The following SPTLC2 variants were observed in gnomAD, a reference collection of about 807,000 sequenced individuals.
SPTLC2 encodes the protein serine palmitoyltransferase long chain base subunit 2, also known as serine palmitoyltransferase 2.
Under a neutral mutation model 62.0 loss-of-function variants are expected in SPTLC2, and 21 were observed. That is an observed-to-expected ratio of 0.34 (90% CI 0.24 to 0.49). The LOEUF (loss-of-function observed/expected upper bound fraction) is 0.49, where lower values mean the gene tolerates loss of function less well. SPTLC2 is among the 20% of genes least tolerant of loss of function. The pLI is 0.99. For synonymous variants in SPTLC2, 261 were observed against 261.8 expected (o/e 1.00, Z 0.03); for missense variants, 511 against 713.0 (o/e 0.72, Z 3.23).
intron 9 of SPTLC2, among the ~76,000 whole-genome samples, chr14:77,524,464 A>T (rs1006036009): frequency 6.6e-6 from 1 of 152,076 alleles, no homozygotes; most frequent in Non-Finnish European, 1.5e-5. Context: ...AAGTTTTTTC[A>T]AACTAAAAAT....
At chr14:77,599,703 A>G (rs1337633602) in intron 1 of SPTLC2, among the ~76,000 whole-genome samples, 1 of 152,244 alleles carries the variant, frequency 6.6e-6, no homozygotes, top group Non-Finnish European at 1.5e-5. Flanking sequence ...TTTAATACTT[A>G]AACTTTTAAA....
intron 1 of SPTLC2, among the ~76,000 whole-genome samples, chr14:77,606,860 A>C (rs377502264): frequency 1.1e-4 from 16 of 152,152 alleles, no homozygotes; most frequent in East Asian, 5.8e-4. Context: ...GTGGTGGTGC[A>C]TGAATGTAGT....
intron 9 of SPTLC2, among the ~76,000 whole-genome samples, chr14:77,547,092 C>T (rs2299914): frequency 0.19 from 29,384 of 151,866 alleles, 2,909 homozygotes; most frequent in East Asian, 0.3. Context: ...CTTGAATTCC[C>T]GACCTCAGGT....
chr14:77,553,968 C>G (rs149923291), intron 8 of SPTLC2, among the ~76,000 whole-genome samples: 221 of 152,140 alleles, frequency 1.5e-3, no homozygotes, highest in Middle Eastern at 0.01. Flanking sequence ...GCATGTGCCA[C>G]CACCACACCC....
At chr14:77,583,246 A>T (rs904709510) in intron 2 of SPTLC2, among the ~76,000 whole-genome samples, 2 of 129,216 alleles carry the variant, frequency 1.5e-5, no homozygotes, top group Non-Finnish European at 3.4e-5. Context: ...AATAAAAATA[A>T]TAATTTTAAA....
intron 8 of SPTLC2, chr14:77,555,021 G>C (rs2079575094): frequency 2.3e-6 from 1 of 436,340 alleles, no homozygotes; most frequent in East Asian, 4.9e-5. Flanking sequence ...GGGGCGGGCA[G>C]GGAGCACCAC....
chr14:77,560,312 G>A (rs1391990971), intron 6 of SPTLC2, among the ~76,000 whole-genome samples: 1 of 152,178 alleles, frequency 6.6e-6, no homozygotes, highest in Non-Finnish European at 1.5e-5. Flanking sequence ...TGTGGGCCAG[G>A]CGTGGTGGCT....
intron 1 of SPTLC2, among the ~76,000 whole-genome samples, chr14:77,603,762 A>C (rs993530818): frequency 1.3e-5 from 2 of 152,194 alleles, no homozygotes; most frequent in Non-Finnish European, 2.9e-5. Context: ...GAACATTTCC[A>C]TTTCAGTTCA....
chr14:77,602,268 T>G (rs1379358183), intron 1 of SPTLC2, among the ~76,000 whole-genome samples: 1 of 152,164 alleles, frequency 6.6e-6, no homozygotes, highest in Non-Finnish European at 1.5e-5. Context: ...TAGCTCCACT[T>G]AGACTTCATG....
At chr14:77,542,764 T>C (rs1261527308) in intron 9 of SPTLC2, among the ~76,000 whole-genome samples, 5 of 152,168 alleles carry the variant, frequency 3.3e-5, no homozygotes, top group Non-Finnish European at 5.9e-5. Context: ...TAAATTCCTC[T>C]TAAAAGCACA....
chr14:77,512,063 T>A lies in SPTLC2; in HGVS notation c.*221A>T, dbSNP rs193123994. On this transcript the variant is annotated 3_prime_UTR_variant, in exon 12 of 12. Coordinates refer to ENST00000216484, the MANE Select transcript of SPTLC2 (RefSeq NM_004863.4). ...TAATGGACTGAAAAAGCAAAGTGAG[T>A]CACCTTCGTTTTTAAAGGTGAGATT... is the stretch of plus-strand genomic sequence containing the variant. 1.7e-6 allele frequency: 1 copy of A among 596,404 alleles called. No homozygotes were observed. The highest frequency in any genetic ancestry group is 3.0e-5 in the East Asian group (1 of 33,890). The allele number at this position is 596,404 out of a possible 1,614,324, so 36.9% of individuals were successfully genotyped here. A position where few individuals can be genotyped will look rare whatever the true frequency, so the allele number is the denominator to read the frequency against.
At chr14:77,604,589 C>T (rs775415385) in intron 1 of SPTLC2, among the ~76,000 whole-genome samples, 6 of 152,078 alleles carry the variant, frequency 3.9e-5, no homozygotes, top group Non-Finnish European at 7.4e-5. Flanking sequence ...ATTTCCCGGC[C>T]AGATGCGGTG....
At chr14:77,529,632 T>C (rs952871970) in intron 9 of SPTLC2, among the ~76,000 whole-genome samples, 2 of 138,088 alleles carry the variant, frequency 1.4e-5, no homozygotes, top group East Asian at 2.4e-4. Flanking sequence ...TTTTTTTTTT[T>C]TTTTTTTTTT....
intron 10 of SPTLC2, among the ~76,000 whole-genome samples, chr14:77,520,742 T>A (rs1213745823): frequency 6.6e-6 from 1 of 152,226 alleles, no homozygotes; most frequent in Non-Finnish European, 1.5e-5. Context: ...TATGTATGCC[T>A]CATACAAACC....
Position 77,578,172 on chromosome 14 carries a change from C to T in SPTLC2, c.482+783G>A, listed in dbSNP as rs1049675931. 2.6e-5 allele frequency among the ~76,000 whole-genome samples: 4 copies of T among 151,892 alleles called. No homozygotes were observed. The South Asian group carries it at 8.3e-4, about 32-fold the overall frequency. ...ATAAATGAATAAGTAAACAAACAAA[C>T]AAATACAATGTTAAAAATACAAAAA... is the stretch of plus-strand genomic sequence containing the variant. On this transcript the variant is annotated intron_variant, in intron 3 of 11. Coordinates refer to ENST00000216484, the MANE Select transcript of SPTLC2 (RefSeq NM_004863.4).
chr14:77,527,023 T>C (rs1012132438), intron 9 of SPTLC2, among the ~76,000 whole-genome samples: 2 of 151,852 alleles, frequency 1.3e-5, no homozygotes, highest in African/African-American at 4.8e-5. Flanking sequence ...GTCGATCTCC[T>C]GACCTCATGA....
chr14:77,596,510 T>C lies in SPTLC2; in HGVS notation c.327+676A>G, dbSNP rs113264287. Among the ~76,000 whole-genome samples, 11 of 150,988 alleles carry C rather than the reference T, an allele frequency of 7.3e-5. No homozygotes were observed. In the East Asian group the frequency reaches 1.8e-3, roughly 24 times the overall value. On this transcript the variant is annotated intron_variant, in intron 2 of 11. Transcript: ENST00000216484. ...CAAAGCGAGACTCTGTCTCAAAAAA[T>C]AAACAAACAAACAAACAAACAAAAA...
intron 9 of SPTLC2, among the ~76,000 whole-genome samples, chr14:77,533,965 C>T (rs1295556503): frequency 3.3e-5 from 5 of 152,004 alleles, no homozygotes; most frequent in Non-Finnish European, 5.9e-5. Flanking sequence ...TCAAGACCAG[C>T]CTGGGCAACA....
At position 77,616,580 on chromosome 14, in the gene SPTLC2, C is replaced by G; in HGVS notation, c.-1G>C. The G allele has an allele frequency of 6.5e-7, 1 of 1,538,840 alleles. No individual in the cohort carries two copies. Among genetic ancestry groups the G allele is most frequent in the East Asian group, 2.4e-5 (1 of 41,154 alleles). Reference sequence around the variant, plus strand: ...AGCAGCCTCCGGGCTCCGGCCGCATCTTCCTGGCAGCACCAGGCGCAAGGC... The same window carrying G: ...AGCAGCCTCCGGGCTCCGGCCGCATGTTCCTGGCAGCACCAGGCGCAAGGC... On this transcript the variant is annotated 5_prime_UTR_variant, in exon 1 of 12. Transcript: ENST00000216484.
Sources: allele counts gnomAD v4.1 joint callset (sites outside exome capture counted in the v4.1 genomes callset), GRCh38; gene constraint gnomAD v4.1.1; transcripts MANE v1.5; gene names NCBI Gene and HGNC (gene_info 2026-07-23, HGNC 2026-07-21).